Variants in TRAK2 observed in about 807,000 individuals in gnomAD.
The protein encoded by TRAK2 is trafficking kinesin protein 2.
In TRAK2, 81 loss-of-function variants were observed where a neutral mutation model predicts 104.6. The observed-to-expected ratio is 0.77, with a 90% CI of 0.65 to 0.93. The LOEUF is 0.93. Ranked by LOEUF, TRAK2 falls within the 40% of genes least tolerant of loss-of-function variation. The pLI is 0.00. For missense variants in TRAK2, 1,002 were observed against 1,089.0 expected, an observed-to-expected ratio of 0.92 and a Z score of 1.12; for synonymous variants, 406 against 394.4, an observed-to-expected ratio of 1.03 and a Z score of -0.35.
chr2:201,446,857 G>A (rs983853748), intron 1 of TRAK2, among the ~76,000 whole-genome samples: 2 of 152,172 alleles, frequency 1.3e-5, no homozygotes, highest in African/African-American at 4.8e-5. Context: ...GTTGTATAAA[G>A]CTTTATGATC....
chr2:201,394,681 CT>C (rs1951483829), intron 9 of TRAK2, 116 bp downstream of exon 9: 1 of 891,228 alleles, frequency 1.1e-6, no homozygotes, highest in African/African-American at 1.7e-5. Context: ...TCATCTTAAC[CT>C]TTTGTTGTTG....
intron 3 of TRAK2, among the ~76,000 whole-genome samples, chr2:201,405,071 T>A (rs1196340514): frequency 6.6e-6 from 1 of 152,236 alleles, no homozygotes; most frequent in Non-Finnish European, 1.5e-5. Flanking sequence ...TAGTACATGA[T>A]GCATGGGTGA....
intron 12 of TRAK2, among the ~76,000 whole-genome samples, chr2:201,389,096 T>G (rs746774213): frequency 1.8e-4 from 27 of 152,202 alleles, no homozygotes; most frequent in Non-Finnish European, 7.3e-5. Context: ...GATGTATTCA[T>G]GCTAGTGACC....
chr2:201,380,963 G>T lies in TRAK2; in HGVS notation c.2325C>A (p.Ser775=). 6.2e-7 allele frequency: 1 copy of T among 1,614,150 alleles called. No homozygotes were observed. The highest frequency in any genetic ancestry group is 2.2e-5 in the East Asian group (1 of 44,882). The change falls in exon 16 of 16, where the codon TCC becomes TCA. Residue 775 remains serine, a synonymous_variant. Transcript: ENST00000332624. ...QPLPKSLAIP[S]TPPNSPSHSP... ...AGTGAGATGGTGAATTTGGTGGTGTGGAAGGGATAGCCAGGGATTTAGGGA... is the reference window on the plus strand; with the variant it reads ...AGTGAGATGGTGAATTTGGTGGTGTTGAAGGGATAGCCAGGGATTTAGGGA...
intron 8 of TRAK2, 183 bp from the exon 9 acceptor site, chr2:201,395,055 G>T: frequency 1.6e-6 from 1 of 641,404 alleles, no homozygotes; most frequent in Non-Finnish European, 2.6e-6. Context: ...GTGTTCAGAG[G>T]ACAATGGGCA....
intron 1 of TRAK2, among the ~76,000 whole-genome samples, chr2:201,428,099 G>A (rs557384614): frequency 6.7e-5 from 10 of 150,294 alleles, no homozygotes; most frequent in African/African-American, 2.3e-4. Context: ...TTGCAAAAAC[G>A]CTCTCCCATT....
chr2:201,397,643 A>C, intron 6 of TRAK2, 63 bp from the exon 7 acceptor site: 2 of 1,201,804 alleles, frequency 1.7e-6, no homozygotes, highest in Non-Finnish European at 2.4e-6. Context: ...TAACTACAAA[A>C]ACCTTTAATT....
chr2:201,431,979 A>C (rs909770073), intron 1 of TRAK2, among the ~76,000 whole-genome samples: 1 of 152,262 alleles, frequency 6.6e-6, no homozygotes, highest in African/African-American at 2.4e-5. Flanking sequence ...GAGTTAATAC[A>C]TGTAAAGGTC....
chr2:201,420,220 A>G (rs1270200865), intron 2 of TRAK2, among the ~76,000 whole-genome samples, 197 bp downstream of exon 2: 1 of 152,182 alleles, frequency 6.6e-6, no homozygotes, highest in Non-Finnish European at 1.5e-5. Context: ...ATAGACAGGA[A>G]ATAACATGAA....
At chr2:201,412,052 T>C in intron 2 of TRAK2, 1 of 1,096,280 alleles carries the variant, frequency 9.1e-7, no homozygotes. Flanking sequence ...TAACAAAATC[T>C]GGATTGGCTC....
intron 1 of TRAK2, among the ~76,000 whole-genome samples, chr2:201,445,615 T>A (rs551905910): frequency 7.2e-5 from 11 of 152,338 alleles, no homozygotes; most frequent in African/African-American, 2.4e-4. Context: ...TTAAGTGGAC[T>A]CCCTAAGGAG....
Position 201,392,934 on chromosome 2 carries a change from GAGA to G in TRAK2, c.1085_1087del (p.Phe362del). ...CCCAGTAAAAGCTCCATATGATTGG[GAGA>G]AGTAGAGATGAGCAGTAGGGCCAGA... On this transcript the variant is annotated inframe_deletion, in exon 10 of 16. Coordinates refer to ENST00000332624, the MANE Select transcript of TRAK2 (RefSeq NM_015049.3). 1.2e-6 allele frequency: 2 copies of G among 1,612,842 alleles called. No individual in the cohort carries two copies. Among genetic ancestry groups the G allele is most frequent in the Non-Finnish European group, 1.7e-6 (2 of 1,179,590 alleles).
At chr2:201,437,700 T>C (rs959378659) in intron 1 of TRAK2, among the ~76,000 whole-genome samples, 1 of 148,422 alleles carries the variant, frequency 6.7e-6, no homozygotes, top group African/African-American at 2.6e-5. Context: ...GTTTAATCCT[T>C]CTCTGTCCGT....
chr2:201,391,395 T>C (rs1001243901), intron 10 of TRAK2, among the ~76,000 whole-genome samples: 1 of 152,210 alleles, frequency 6.6e-6, no homozygotes, highest in Non-Finnish European at 1.5e-5. Context: ...TTAATAAATG[T>C]TGAAAAATGA....
Position 201,398,308 on chromosome 2 carries a change from C to A in TRAK2, c.527G>T (p.Arg176Leu), listed in dbSNP as rs199606848. ...TTCTTCAGAAGCAATGGAGACGATT[C>A]GAAGTAACTCATCTTTCTTGCATAG... ...HELCKKDELL[R>L]IVSIASEESE... is the part of the protein sequence containing the mutation. Residue 176 changes from arginine to leucine, a missense_variant, in exon 6 of 16, where the codon CGA (arginine) becomes CTA (leucine). Arg to Leu is a moderately radical substitution (Grantham distance 102). Coordinates refer to ENST00000332624, the MANE Select transcript of TRAK2 (RefSeq NM_015049.3). 6.2e-7 allele frequency: 1 copy of A among 1,613,594 alleles called. No individual in the cohort carries two copies. The highest frequency in any genetic ancestry group is 1.7e-5 in the Admixed American group (1 of 59,988).
chr2:201,424,226 G>A, intron 1 of TRAK2, among the ~76,000 whole-genome samples: 1 of 152,108 alleles, frequency 6.6e-6, no homozygotes, highest in Non-Finnish European at 1.5e-5. Flanking sequence ...TCTGAACTAG[G>A]GCCTCTGCCA....
chr2:201,387,509 T>G (rs1951402062), intron 13 of TRAK2, among the ~76,000 whole-genome samples, 194 bp downstream of exon 13: 1 of 152,198 alleles, frequency 6.6e-6, no homozygotes, highest in African/African-American at 2.4e-5. Context: ...GGCTGATGAT[T>G]CAGAGAATGC....
At chr2:201,406,428 T>C (rs1951595352) in intron 3 of TRAK2, among the ~76,000 whole-genome samples, 6 of 152,188 alleles carry the variant, frequency 3.9e-5, no homozygotes. Context: ...GCTGAAACAA[T>C]GTTTATAATT....
In TRAK2 at chr2:201,411,464, C is replaced by A. The variant is rs188201473; in HGVS notation, c.92-3867G>T. On this transcript the variant is annotated intron_variant, in intron 2 of 15. Coordinates refer to ENST00000332624, the MANE Select transcript of TRAK2 (RefSeq NM_015049.3). Reference sequence around the variant, plus strand: ...AAACATTCATTTGATTTCCTATGTCCAAAGATTTCTGTTGTTCTTGCATTA... The same window carrying A: ...AAACATTCATTTGATTTCCTATGTCAAAAGATTTCTGTTGTTCTTGCATTA... 186 of 743,974 alleles carry A rather than the reference C, an allele frequency of 2.5e-4. No homozygotes were observed. The African/African-American group carries it at 2.6e-3, about 11-fold the overall frequency. 46.1% of individuals were successfully genotyped at this position (743,974 alleles called of 1,614,324 possible). A position where few individuals can be genotyped will look rare whatever the true frequency, so the allele number is the denominator to read the frequency against.
Sources: gnomAD v4.1 joint callset for allele counts (sites outside exome capture counted in the v4.1 genomes callset) on GRCh38, gnomAD v4.1.1 for gene constraint, MANE v1.5 for transcripts, NCBI Gene and HGNC (gene_info 2026-07-23, HGNC 2026-07-21) for gene names.